PSTPIP2: variants seen among roughly 807,000 people sequenced by gnomAD.
PSTPIP2 encodes proline-serine-threonine phosphatase interacting protein 2.
A neutral mutation model predicts 63.3 loss-of-function variants in PSTPIP2; 33 were observed. The observed-to-expected ratio is 0.52, with a 90% CI of 0.40 to 0.70. The LOEUF is 0.70. Ranked by LOEUF, PSTPIP2 falls within the 30% of genes least tolerant of loss-of-function variation. The pLI, the probability that PSTPIP2 is intolerant of heterozygous loss-of-function variation, is 0.00. For missense variants in PSTPIP2, 312 were observed against 400.7 expected, an observed-to-expected ratio of 0.78 and a Z score of 1.89; for synonymous variants, 125 against 132.7, an observed-to-expected ratio of 0.94 and a Z score of 0.40.
intron 6 of PSTPIP2, among the ~76,000 whole-genome samples, chr18:46,003,751 A>C (rs1010227743): frequency 4.5e-5 from 6 of 132,692 alleles, no homozygotes; most frequent in African/African-American, 1.6e-4. Context: ...TCCCCCTTTC[A>C]GAGTTTTTTT....
intron 5 of PSTPIP2, among the ~76,000 whole-genome samples, chr18:46,009,447 C>T (rs1370090522): frequency 7.3e-6 from 1 of 137,162 alleles, no homozygotes; most frequent in African/African-American, 2.7e-5. Context: ...CAAGTAATTA[C>T]AATTTTATTA....
chr18:46,029,490 T>A lies in PSTPIP2; in HGVS notation c.135-4804A>T. ...GTTGATTAAGGCAGTTTATATGGATTAAGCATTGCCACATCTAGGAATGGA... is the reference window on the plus strand; with the variant it reads ...GTTGATTAAGGCAGTTTATATGGATAAAGCATTGCCACATCTAGGAATGGA... On this transcript the variant is annotated intron_variant, in intron 2 of 14. Transcript: ENST00000409746. The A allele has an allele frequency of 7.5e-6, 7 of 933,416 alleles. No homozygotes were observed. In the South Asian group the frequency reaches 9.1e-5, roughly 12 times the overall value. 57.8% of individuals were successfully genotyped at this position (933,416 alleles called of 1,614,324 possible).
chr18:46,067,314 A>C (rs533498153), intron 1 of PSTPIP2, among the ~76,000 whole-genome samples: 1 of 151,844 alleles, frequency 6.6e-6, no homozygotes, highest in East Asian at 2.0e-4. Context: ...CATCCTGGCT[A>C]ACACGGTGAA....
At chr18:45,991,115 G>T (rs1281189027) in intron 12 of PSTPIP2, among the ~76,000 whole-genome samples, 3 of 152,158 alleles carry the variant, frequency 2.0e-5, no homozygotes, top group African/African-American at 7.2e-5. Flanking sequence ...TCATTGTGGG[G>T]ATTAAATCAG....
chr18:46,038,154 G>A (rs373079421), intron 2 of PSTPIP2, among the ~76,000 whole-genome samples: 21 of 152,182 alleles, frequency 1.4e-4, no homozygotes, highest in Admixed American at 1.1e-3. Flanking sequence ...TTGAACTCCT[G>A]GGCTAAGTGA....
chr18:45,984,861 T>C lies in PSTPIP2; in HGVS notation c.*598A>G, dbSNP rs1236894581. On this transcript the variant is annotated 3_prime_UTR_variant, in exon 15 of 15. Coordinates refer to ENST00000409746, the MANE Select transcript of PSTPIP2 (RefSeq NM_024430.4). ...TCAGGAAGGGTTAGAAGAATAGTGA[T>C]GTGGGTTGGGCTCAGGCTCTAGTTC... 6.6e-6 allele frequency: 1 copy of C among 152,502 alleles called. No homozygotes were observed. Among genetic ancestry groups the C allele is most frequent in the Non-Finnish European group, 1.5e-5 (1 of 68,250 alleles). The allele number at this position is 152,502 out of a possible 1,614,324, so 9.4% of individuals were successfully genotyped here. A position where few individuals can be genotyped will look rare whatever the true frequency, so the allele number is the denominator to read the frequency against.
At position 45,988,787 on chromosome 18, in the gene PSTPIP2, C is replaced by T. The variant is rs2276198; in HGVS notation, c.956-28G>A. On this transcript the variant is annotated intron_variant, in intron 13 of 14. Coordinates refer to ENST00000409746, the MANE Select transcript of PSTPIP2 (RefSeq NM_024430.4). ...GCAAAAGGCAGAACACAGAAAACAA[C>T]AGTAACATCAATTTTTCATAATAAG... The T allele has an allele frequency of 6.1e-5, 92 of 1,517,522 alleles. No individual in the cohort carries two copies. The East Asian group carries it at 1.9e-3, about 31-fold the overall frequency. The allele number at this position is 1,517,522 out of a possible 1,614,324, so 94.0% of individuals were successfully genotyped here.
chr18:46,052,503 G>A (rs1230518967), intron 1 of PSTPIP2, among the ~76,000 whole-genome samples: 1 of 151,924 alleles, frequency 6.6e-6, no homozygotes, highest in Non-Finnish European at 1.5e-5. Flanking sequence ...GCTAACTGGG[G>A]AACCTTGGCT....
At chr18:46,057,797 A>C (rs1908817267) in intron 1 of PSTPIP2, among the ~76,000 whole-genome samples, 1 of 151,968 alleles carries the variant, frequency 6.6e-6, no homozygotes, top group Admixed American at 6.6e-5. Context: ...GGAGATCAAG[A>C]CCATCCTGGC....
chr18:45,984,112 C>T lies in PSTPIP2; in HGVS notation c.*1347G>A, dbSNP rs1036484756. 6.6e-6 allele frequency: 1 copy of T among 152,028 alleles called. No homozygotes were observed. The highest frequency in any genetic ancestry group is 2.4e-5 in the African/African-American group (1 of 41,364). The allele number at this position is 152,028 out of a possible 1,614,324, so 9.4% of individuals were successfully genotyped here. On this transcript the variant is annotated 3_prime_UTR_variant, in exon 15 of 15. Coordinates refer to ENST00000409746, the MANE Select transcript of PSTPIP2 (RefSeq NM_024430.4). The stretch of plus-strand genomic sequence containing the variant: ...GCAGTGAGCTGAGATCATGCCGCTG[C>T]ACTTCAGCCTGGGGGACAGAGAGAG...
intron 1 of PSTPIP2, among the ~76,000 whole-genome samples, chr18:46,062,889 T>C (rs1791418): frequency 2.6e-5 from 4 of 152,102 alleles, no homozygotes; most frequent in Non-Finnish European, 5.9e-5. Flanking sequence ...TTTGTTTGCT[T>C]CCTTAAGAAG....
At chr18:46,027,462 G>A (rs998520708) in intron 2 of PSTPIP2, among the ~76,000 whole-genome samples, 1 of 152,020 alleles carries the variant, frequency 6.6e-6, no homozygotes, top group Non-Finnish European at 1.5e-5. Context: ...GGGCAAGGTG[G>A]GAGGATCGAT....
In PSTPIP2 at chr18:45,985,434, G is replaced by A. The variant is rs537706351; in HGVS notation, c.*25C>T. The A allele has an allele frequency of 1.2e-5, 20 of 1,613,338 alleles. No homozygotes were observed. The highest frequency in any genetic ancestry group is 3.3e-5 in the Admixed American group (2 of 59,794). Reference sequence around the variant, plus strand: ...TTTCCATATCACAGAAGCACTAGCCGGAAAAAGCTCTGGTTTCTGAAAGAA... The same window carrying A: ...TTTCCATATCACAGAAGCACTAGCCAGAAAAAGCTCTGGTTTCTGAAAGAA... On this transcript the variant is annotated 3_prime_UTR_variant, in exon 15 of 15. Coordinates refer to ENST00000409746, the MANE Select transcript of PSTPIP2 (RefSeq NM_024430.4).
At chr18:46,003,692 T>C (rs2051693890) in intron 6 of PSTPIP2, among the ~76,000 whole-genome samples, 1 of 151,896 alleles carries the variant, frequency 6.6e-6, no homozygotes. Flanking sequence ...GGAACCCTTG[T>C]CAGGTTGTTC....
chr18:46,004,606 T>A (rs779654688), intron 6 of PSTPIP2, among the ~76,000 whole-genome samples: 2 of 152,370 alleles, frequency 1.3e-5, no homozygotes, highest in Non-Finnish European at 1.5e-5. Context: ...TTGTACACTA[T>A]ATATGTTTTT....
intron 6 of PSTPIP2, among the ~76,000 whole-genome samples, chr18:46,000,562 T>C (rs1008610920): frequency 3.3e-5 from 5 of 152,172 alleles, no homozygotes; most frequent in Non-Finnish European, 4.4e-5. Flanking sequence ...GAGACAGGGT[T>C]TCACTATGTT....
intron 9 of PSTPIP2, among the ~76,000 whole-genome samples, chr18:45,994,714 C>A (rs1429617384): frequency 6.6e-6 from 1 of 152,168 alleles, no homozygotes; most frequent in Non-Finnish European, 1.5e-5. Context: ...CATTTATCAA[C>A]TCACAACCGA....
chr18:46,035,648 AACAG>A (rs1489405333), intron 2 of PSTPIP2, among the ~76,000 whole-genome samples: 4 of 152,120 alleles, frequency 2.6e-5, no homozygotes, highest in Non-Finnish European at 5.9e-5. Flanking sequence ...AGATTGTATA[AACAG>A]ACAGTAAAGA....
At position 46,011,278 on chromosome 18, in the gene PSTPIP2, T is replaced by A. The variant is rs140429538; in HGVS notation, c.257A>T (p.Asn86Ile). Residue 86 changes from asparagine to isoleucine, a missense_variant, in exon 5 of 15, where the codon AAT (asparagine) becomes ATT (isoleucine). Physicochemically the swap from Asn to Ile is moderately radical, Grantham distance 149. Coordinates refer to ENST00000409746, the MANE Select transcript of PSTPIP2 (RefSeq NM_024430.4). ...ALEVFKQQVDNVAQCHIQLAQ... is the reference protein window; with the variant it reads ...ALEVFKQQVDIVAQCHIQLAQ... The stretch of plus-strand genomic sequence containing the variant: ...AAGCTGAATGTGACATTGTGCCACA[T>A]TGTCTACTTCTGCAAAAAAGAATTA... The A allele has an allele frequency of 6.2e-7, 1 of 1,613,182 alleles. No individual in the cohort carries two copies. The highest frequency in any genetic ancestry group is 1.1e-5 in the South Asian group (1 of 91,050).
Sources: allele counts gnomAD v4.1 joint callset (sites outside exome capture counted in the v4.1 genomes callset), GRCh38; gene constraint gnomAD v4.1.1; transcripts MANE v1.5; gene names NCBI Gene and HGNC (gene_info 2026-07-23, HGNC 2026-07-21).